CNOT7: variants seen among roughly 807,000 people sequenced by gnomAD.
The protein encoded by CNOT7 is BTG1-binding factor 1.
A neutral mutation model predicts 37.1 loss-of-function variants in CNOT7; 4 were observed. That is an observed-to-expected ratio of 0.11 (90% confidence interval 0.05 to 0.25). CNOT7 has a LOEUF of 0.25. CNOT7 is among the 10% of genes least tolerant of loss of function. The probability of loss-of-function intolerance (pLI) is 1.00; values close to 1 mark genes in which losing one functional copy is unlikely to be tolerated. For synonymous variants in CNOT7, 128 were observed against 115.6 expected (o/e 1.11, Z -0.69); for missense variants, 170 against 336.2 (o/e 0.51, Z 3.87).
In CNOT7 at chr8:17,226,170, CAAAA is replaced by C. The variant is rs1456601007; in HGVS notation, c.*4546_*4549del. ...ATTTTTATTCTAAAAATTGAAAACT[CAAAA>C]TATTGAGTACAATTTTTTTTTCTTT... is the stretch of plus-strand genomic sequence containing the variant. On this transcript the variant is annotated 3_prime_UTR_variant, in exon 7 of 7. Transcript: ENST00000361272. The C allele has an allele frequency of 1.4e-5, 2 of 147,684 alleles. No homozygotes were observed. The highest frequency in any genetic ancestry group is 1.4e-4 in the Admixed American group (2 of 14,444). 9.1% of individuals were successfully genotyped at this position (147,684 alleles called of 1,614,324 possible).
chr8:17,233,623 A>G (rs911800214), intron 5 of CNOT7, among the ~76,000 whole-genome samples: 5 of 152,166 alleles, frequency 3.3e-5, no homozygotes, highest in Admixed American at 2.6e-4. Flanking sequence ...AGATGAAAAC[A>G]TGTAGGCCTC....
chr8:17,230,899 C>G lies in CNOT7; in HGVS notation c.730-51G>C, dbSNP rs755041934. 4.4e-5 allele frequency: 59 copies of G among 1,344,128 alleles called. No individual in the cohort carries two copies. In the Middle Eastern group the frequency reaches 9.2e-4, roughly 21 times the overall value. 83.3% of individuals were successfully genotyped at this position (1,344,128 alleles called of 1,614,324 possible). A position where few individuals can be genotyped will look rare whatever the true frequency, so the allele number is the denominator to read the frequency against. ...AAAAGATAATTTTAACCAAAAGGAA[C>G]CACTTGTAATTTATATTTCAGCAAT... On this transcript the variant is annotated intron_variant, in intron 6 of 6. Transcript: ENST00000361272.
chr8:17,234,918 A>G (rs1809138583), intron 4 of CNOT7, 58 bp from the exon 5 acceptor site: 1 of 1,503,904 alleles, frequency 6.6e-7, no homozygotes, highest in Admixed American at 2.2e-5. Flanking sequence ...AAAGATTAAA[A>G]AAAAAAGTTT....
intron 4 of CNOT7, among the ~76,000 whole-genome samples, chr8:17,235,496 T>A (rs1306458750): frequency 6.6e-6 from 1 of 152,196 alleles, no homozygotes; most frequent in Non-Finnish European, 1.5e-5. Flanking sequence ...ATGGAAGAAG[T>A]GAAGGGTAGT....
At chr8:17,243,538 T>C (rs984155588) in intron 2 of CNOT7, 2 of 473,526 alleles carry the variant, frequency 4.2e-6, no homozygotes, top group South Asian at 1.5e-5. Context: ...ACCAAGTTTC[T>C]TGAAGAACTG....
rs1402113643 is a variant in CNOT7, at chr8:17,225,755, C to G, written c.*4965G>C. The G allele has an allele frequency of 6.6e-6, 1 of 151,604 alleles. No homozygotes were observed. Among genetic ancestry groups the G allele is most frequent in the Admixed American group, 6.6e-5 (1 of 15,190 alleles). The allele number at this position is 151,604 out of a possible 1,614,324, so 9.4% of individuals were successfully genotyped here. On this transcript the variant is annotated 3_prime_UTR_variant, in exon 7 of 7. Transcript: ENST00000361272. ...AGGTAACGTTGTTATAAAAGAAACT[C>G]TCATATAAATTACACCAACATAGCA... is the stretch of plus-strand genomic sequence containing the variant.
In CNOT7 at chr8:17,237,389, G is replaced by C. The variant is rs1381023074; in HGVS notation, c.312-16C>G. ...CATGTCCTCCCTGGCAGAAGAAAGA[G>C]AAAGACAACATTCAAACATGCCATT... On this transcript the variant is annotated splice_polypyrimidine_tract_variant and intron_variant, in intron 3 of 6. Coordinates refer to ENST00000361272, the MANE Select transcript of CNOT7 (RefSeq NM_013354.7). 1.2e-6 allele frequency: 2 copies of C among 1,612,172 alleles called. No individual in the cohort carries two copies. The highest frequency in any genetic ancestry group is 1.7e-5 in the Admixed American group (1 of 59,804).
chr8:17,231,743 T>G, intron 6 of CNOT7: 3 of 985,346 alleles, frequency 3.0e-6, no homozygotes, highest in Non-Finnish European at 3.6e-6. Context: ...TACTTAGGAG[T>G]AGATAATGGG....
At chr8:17,230,929 G>C (rs1040654187) in intron 6 of CNOT7, 81 bp from the exon 7 acceptor site, 2 of 987,572 alleles carry the variant, frequency 2.0e-6, no homozygotes, top group South Asian at 3.4e-5. Context: ...AGCAATGTAA[G>C]TACTGACTGT....
rs779612291 is a variant in CNOT7 at position 17,228,680 on chromosome 8, T to A, written c.*2040A>T. The A allele has an allele frequency of 3.3e-5, 5 of 151,936 alleles. No homozygotes were observed. The highest frequency in any genetic ancestry group is 4.8e-5 in the African/African-American group (2 of 41,496). The allele number at this position is 151,936 out of a possible 1,614,324, so 9.4% of individuals were successfully genotyped here. Reference sequence around the variant, plus strand: ...CATTAAGTCGAAAGTAAGTTAGGGATTATCTATACTTTTTAGGGACAGAAG... The same window carrying A: ...CATTAAGTCGAAAGTAAGTTAGGGAATATCTATACTTTTTAGGGACAGAAG... On this transcript the variant is annotated 3_prime_UTR_variant, in exon 7 of 7. Transcript: ENST00000361272.
At chr8:17,232,012 AG>A in intron 6 of CNOT7, 1 of 1,009,066 alleles carries the variant, frequency 9.9e-7, no homozygotes, top group Admixed American at 5.9e-5. Context: ...AAACCTTAAA[AG>A]GGGTCATGCT....
At position 17,234,987 on chromosome 8, in the gene CNOT7, T is replaced by G. The variant is rs1011335217; in HGVS notation, c.474-127A>C. ...CCCTCCCAAAAACATTAAAGAGAAGTGCACACAAGAACAGAGAAAACAAAC... is the reference window on the plus strand; with the variant it reads ...CCCTCCCAAAAACATTAAAGAGAAGGGCACACAAGAACAGAGAAAACAAAC... On this transcript the variant is annotated intron_variant, in intron 4 of 6. Coordinates refer to ENST00000361272, the MANE Select transcript of CNOT7 (RefSeq NM_013354.7). 7.1e-6 allele frequency: 5 copies of G among 707,526 alleles called. No individual in the cohort carries two copies. In the South Asian group the frequency reaches 7.9e-5, roughly 11 times the overall value. 43.8% of individuals were successfully genotyped at this position (707,526 alleles called of 1,614,324 possible).
In CNOT7 at chr8:17,227,565, A is replaced by G. The variant is rs776494986; in HGVS notation, c.*3155T>C. 1 of 151,928 alleles carries G rather than the reference A, an allele frequency of 6.6e-6. No homozygotes were observed. The highest frequency in any genetic ancestry group is 1.5e-5 in the Non-Finnish European group (1 of 67,828). The allele number at this position is 151,928 out of a possible 1,614,324, so 9.4% of individuals were successfully genotyped here. ...AATGGTTTTCTTTGCTTGGCTAACA[A>G]ATAGGCTACTTGTAAACATTTTGGT... On this transcript the variant is annotated 3_prime_UTR_variant, in exon 7 of 7. Coordinates refer to ENST00000361272, the MANE Select transcript of CNOT7 (RefSeq NM_013354.7).
At chr8:17,238,479 G>A (rs1031146966) in intron 3 of CNOT7, among the ~76,000 whole-genome samples, 1 of 150,564 alleles carries the variant, frequency 6.6e-6, no homozygotes, top group African/African-American at 2.4e-5. Flanking sequence ...CTTTAGGAAG[G>A]GTAACAGAAT....
At chr8:17,234,568 GAA>G in intron 5 of CNOT7, 146 bp downstream of exon 5, 1 of 838,852 alleles carries the variant, frequency 1.2e-6, no homozygotes, top group Non-Finnish European at 1.9e-6. Context: ...ATGTATGCAA[GAA>G]AAAAAATCAC....
At chr8:17,231,995 C>G in intron 6 of CNOT7, 1 of 995,720 alleles carries the variant, frequency 1.0e-6, no homozygotes. Flanking sequence ...ATATTTATCA[C>G]CAGTTTAAAC....
rs577335526 is a variant in CNOT7, at chr8:17,246,705, C to A, written c.-126G>T. ...TCGCTGAGCTCGCGCTCCTCCTCCT[C>A]CTCCTCGCCATAGAGACAGCACTCG... On this transcript the variant is annotated 5_prime_UTR_variant, in exon 1 of 7. Coordinates refer to ENST00000361272, the MANE Select transcript of CNOT7 (RefSeq NM_013354.7). 308 of 180,662 alleles carry A rather than the reference C, an allele frequency of 1.7e-3. 1 individual carries two copies. Among genetic ancestry groups the A allele is most frequent in the African/African-American group, 7.0e-3 (291 of 41,728 alleles). The allele number at this position is 180,662 out of a possible 1,614,324, so 11.2% of individuals were successfully genotyped here. A position where few individuals can be genotyped will look rare whatever the true frequency, so the allele number is the denominator to read the frequency against.
intron 3 of CNOT7, chr8:17,242,069 G>A (rs1810245094): frequency 6.6e-6 from 1 of 152,138 alleles, no homozygotes; most frequent in Non-Finnish European, 1.5e-5. Context: ...CTCACACTGG[G>A]ACAACTTAGC....
intron 6 of CNOT7, 48 bp from the exon 7 acceptor site, chr8:17,230,896 G>T (rs983902369): frequency 1.5e-6 from 2 of 1,361,420 alleles, no homozygotes; most frequent in African/African-American, 3.0e-5. Context: ...TAACCAAAAG[G>T]AACCACTTGT....
Sources: gnomAD v4.1 joint callset for allele counts (sites outside exome capture counted in the v4.1 genomes callset) on GRCh38, gnomAD v4.1.1 for gene constraint, MANE v1.5 for transcripts, NCBI Gene and HGNC (gene_info 2026-07-23, HGNC 2026-07-21) for gene names.